Variants in HTR1F observed in about 807,000 individuals in gnomAD.
The protein encoded by HTR1F is 5-hydroxytryptamine receptor 1F.
In HTR1F, 17 loss-of-function variants were observed where a neutral mutation model predicts 24.0. That is an observed-to-expected ratio of 0.71 (90% CI 0.48 to 1.06). The LOEUF (loss-of-function observed/expected upper bound fraction) is 1.06. HTR1F is among the 50% of genes least tolerant of loss of function. The pLI is 0.00. For missense variants in HTR1F, 391 were observed against 427.8 expected, an observed-to-expected ratio of 0.91 and a Z score of 0.76; for synonymous variants, 186 against 156.8, an observed-to-expected ratio of 1.19 and a Z score of -1.39.
chr3:87,945,382 C>A lies in HTR1F; in HGVS notation c.-42-45326C>A, dbSNP rs111863438. On this transcript the variant is annotated intron_variant, in intron 2 of 2. Transcript: ENST00000319595. ...GTCTGAACCATTAGTACCTAGGAGG[C>A]AGGGATCAGAGGAAGTCGATTCAGA... Among the ~76,000 whole-genome samples, 548 of 152,196 alleles carry A rather than the reference C, an allele frequency of 3.6e-3. 6 individuals carry two copies. The highest frequency in any genetic ancestry group is 0.012 in the African/African-American group (517 of 41,530).
intron 2 of HTR1F, among the ~76,000 whole-genome samples, chr3:87,887,096 A>C (rs1317330640): frequency 6.6e-5 from 10 of 152,240 alleles, no homozygotes; most frequent in African/African-American, 2.2e-4. Context: ...CTACAGTAAC[A>C]AAAACAGCAT....
intron 2 of HTR1F, among the ~76,000 whole-genome samples, chr3:87,871,227 C>A (rs1382232138): frequency 6.6e-6 from 1 of 151,444 alleles, no homozygotes; most frequent in African/African-American, 2.4e-5. Flanking sequence ...TAAAAAGAAC[C>A]AGACATAAAT....
chr3:87,844,380 T>G (rs1430151524), intron 2 of HTR1F, among the ~76,000 whole-genome samples: 1 of 134,740 alleles, frequency 7.4e-6, no homozygotes, highest in Non-Finnish European at 1.5e-5. Flanking sequence ...GGGTTGTTTG[T>G]TTTTTTCTTG....
intron 1 of HTR1F, among the ~76,000 whole-genome samples, chr3:87,816,717 A>C (rs1256931053): frequency 3.3e-5 from 5 of 152,086 alleles, no homozygotes; most frequent in Non-Finnish European, 5.9e-5. Context: ...CTTCAGTCTG[A>C]ATGAGCATAG....
chr3:87,926,278 C>T (rs1156255823), intron 2 of HTR1F, among the ~76,000 whole-genome samples: 1 of 152,098 alleles, frequency 6.6e-6, no homozygotes, highest in African/African-American at 2.4e-5. Context: ...TTAATAGGGA[C>T]TTTAGATTAA....
At chr3:87,977,163 G>A (rs898315701) in intron 2 of HTR1F, among the ~76,000 whole-genome samples, 16 of 152,136 alleles carry the variant, frequency 1.1e-4, no homozygotes, top group Non-Finnish European at 1.6e-4. Context: ...ATCAAAGGAA[G>A]ACTGGGGTAA....
chr3:87,820,387 G>A (rs1247618734), intron 1 of HTR1F, among the ~76,000 whole-genome samples: 5 of 151,378 alleles, frequency 3.3e-5, no homozygotes, highest in Admixed American at 6.6e-5. Flanking sequence ...CGTTTTAGCC[G>A]GGATGGTCTC....
At chr3:87,919,281 C>G (rs1300118556) in intron 2 of HTR1F, among the ~76,000 whole-genome samples, 1 of 152,068 alleles carries the variant, frequency 6.6e-6, no homozygotes, top group Non-Finnish European at 1.5e-5. Flanking sequence ...TAGAAGATAA[C>G]ACTGGAAAAC....
At chr3:87,940,913 T>C (rs537466461) in intron 2 of HTR1F, among the ~76,000 whole-genome samples, 1 of 152,358 alleles carries the variant, frequency 6.6e-6, no homozygotes, top group East Asian at 1.9e-4. Flanking sequence ...CTTCCCTGTA[T>C]TATTTTAACT....
At chr3:87,971,076 A>G (rs755422768) in intron 2 of HTR1F, among the ~76,000 whole-genome samples, 2 of 152,192 alleles carry the variant, frequency 1.3e-5, no homozygotes, top group Non-Finnish European at 2.9e-5. Context: ...ATTATGACAC[A>G]TGAAGTTTCT....
chr3:87,984,719 A>C (rs1209453988), intron 2 of HTR1F, among the ~76,000 whole-genome samples: 1 of 152,156 alleles, frequency 6.6e-6, no homozygotes, highest in Non-Finnish European at 1.5e-5. Flanking sequence ...TGGCCTCCCA[A>C]AGTGCTGGGA....
intron 2 of HTR1F, among the ~76,000 whole-genome samples, chr3:87,827,025 G>T (rs1050128086): frequency 1.3e-5 from 2 of 151,918 alleles, no homozygotes; most frequent in African/African-American, 2.4e-5. Flanking sequence ...TGCCCAGGCT[G>T]GTCTCAAACT....
At chr3:87,909,358 C>T (rs1160024523) in intron 2 of HTR1F, among the ~76,000 whole-genome samples, 1 of 152,034 alleles carries the variant, frequency 6.6e-6, no homozygotes, top group East Asian at 1.9e-4. Flanking sequence ...TGGTCAGTAT[C>T]TAATTACAAA....
chr3:87,831,330 AATT>A (rs58022545), intron 2 of HTR1F, among the ~76,000 whole-genome samples: 13,806 of 142,242 alleles, frequency 0.097, 808 homozygotes, highest in African/African-American at 0.17. Flanking sequence ...GATATTAAGA[AATT>A]ATTATTATTA....
intron 2 of HTR1F, among the ~76,000 whole-genome samples, chr3:87,838,405 T>C (rs1704727155): frequency 6.6e-6 from 1 of 152,126 alleles, no homozygotes; most frequent in African/African-American, 2.4e-5. Flanking sequence ...TCTCCATAAT[T>C]CTTTCTTTTC....
intron 1 of HTR1F, among the ~76,000 whole-genome samples, chr3:87,810,246 G>C (rs1239682216): frequency 6.6e-6 from 1 of 152,076 alleles, no homozygotes; most frequent in Non-Finnish European, 1.5e-5. Context: ...ATCATTTCCA[G>C]ATCTTATAGC....
At chr3:87,844,498 A>G (rs1324389840) in intron 2 of HTR1F, among the ~76,000 whole-genome samples, 1 of 135,462 alleles carries the variant, frequency 7.4e-6, no homozygotes, top group East Asian at 2.1e-4. Context: ...CTCTGATGGT[A>G]GTTTGTTTTG....
chr3:87,903,731 T>C (rs1402955845), intron 2 of HTR1F, among the ~76,000 whole-genome samples: 2 of 152,092 alleles, frequency 1.3e-5, no homozygotes, highest in Non-Finnish European at 2.9e-5. Context: ...TCCTCAGGGA[T>C]CTAGAACTAG....
intron 2 of HTR1F, among the ~76,000 whole-genome samples, chr3:87,909,746 T>G (rs1703737243): frequency 6.6e-6 from 1 of 152,048 alleles, no homozygotes; most frequent in African/African-American, 2.4e-5. Context: ...AAATCCAGGC[T>G]TCTACATTTC....
Sources: gnomAD v4.1 joint callset for allele counts (sites outside exome capture counted in the v4.1 genomes callset) on GRCh38, gnomAD v4.1.1 for gene constraint, MANE v1.5 for transcripts, NCBI Gene and HGNC (gene_info 2026-07-23, HGNC 2026-07-21) for gene names.